Variants in EIPR1 observed in about 807,000 individuals in gnomAD.
EIPR1 encodes the protein EARP complex and GARP complex interacting protein 1.
In EIPR1, 25 loss-of-function variants were observed where a neutral mutation model predicts 48.1. The ratio of observed to expected loss-of-function variants is 0.52; its 90% confidence interval spans 0.38 to 0.73. The LOEUF is 0.73. EIPR1 is among the 30% of genes least tolerant of loss of function. The pLI, the probability that EIPR1 is intolerant of heterozygous loss-of-function variation, is 0.00. For synonymous variants in EIPR1, 204 were observed against 201.9 expected (o/e 1.01, Z -0.09); for missense variants, 415 against 506.2 (o/e 0.82, Z 1.73).
At chr2:3,219,880 C>T (rs993686746) in intron 4 of EIPR1, among the ~76,000 whole-genome samples, 2 of 152,150 alleles carry the variant, frequency 1.3e-5, no homozygotes, top group African/African-American at 2.4e-5. Flanking sequence ...GAGTTCCCAA[C>T]CCCCAGACTG....
chr2:3,238,634 A>G (rs929486240), intron 4 of EIPR1, among the ~76,000 whole-genome samples: 4 of 152,214 alleles, frequency 2.6e-5, no homozygotes, highest in Non-Finnish European at 5.9e-5. Flanking sequence ...GAAGCGTCCA[A>G]TGTGGAAAAT....
rs188464241 is a variant in EIPR1, at chr2:3,320,870, C to T, written c.259+17147G>A. Among the ~76,000 whole-genome samples the T allele has an allele frequency of 6.5e-4, 99 of 152,254 alleles. No individual in the cohort carries two copies. The Middle Eastern group carries it at 0.014, about 21-fold the overall frequency. The stretch of plus-strand genomic sequence containing the variant: ...TTCAGCTGACAATTTGGTTAGTGCA[C>T]GGCTATTCCAGAGAAGATAGGTCAC... On this transcript the variant is annotated intron_variant, in intron 3 of 8. Transcript: ENST00000382125.
At chr2:3,358,651 A>G (rs1038803369) in intron 1 of EIPR1, among the ~76,000 whole-genome samples, 2 of 152,218 alleles carry the variant, frequency 1.3e-5, no homozygotes, top group African/African-American at 4.8e-5. Context: ...AATTTTGCAT[A>G]TAATTATCAG....
intron 3 of EIPR1, among the ~76,000 whole-genome samples, chr2:3,325,494 C>T (rs374785100): frequency 5.3e-5 from 8 of 152,282 alleles, no homozygotes; most frequent in African/African-American, 1.7e-4. Context: ...ACTCGAGGGC[C>T]GCCCAGTGAA....
chr2:3,298,966 C>G (rs1411874206), intron 3 of EIPR1, among the ~76,000 whole-genome samples: 1 of 152,186 alleles, frequency 6.6e-6, no homozygotes, highest in African/African-American at 2.4e-5. Flanking sequence ...TCACTGCGCT[C>G]AGATCTTTGC....
At chr2:3,361,352 A>T (rs189444998) in intron 1 of EIPR1, among the ~76,000 whole-genome samples, 17 of 152,224 alleles carry the variant, frequency 1.1e-4, no homozygotes, top group Middle Eastern at 3.4e-3. Context: ...CTCACTTCAC[A>T]GGTCCCCAAG....
At position 3,234,785 on chromosome 2, in the gene EIPR1, A is replaced by G; in HGVS notation, c.417-20537T>C. 1.3e-5 allele frequency among the ~76,000 whole-genome samples: 2 copies of G among 152,188 alleles called. 1 individual carries two copies. The highest frequency in any genetic ancestry group is 3.9e-4 in the East Asian group (2 of 5,178). ...TGCCCTTGCACTGGAAGATGCTCCT[A>G]CTTTGCACAAGAGACCTGCTCTCTT... On this transcript the variant is annotated intron_variant, in intron 4 of 8. Coordinates refer to ENST00000382125, the MANE Select transcript of EIPR1 (RefSeq NM_003310.5).
intron 2 of EIPR1, among the ~76,000 whole-genome samples, chr2:3,345,452 C>A (rs1454428566): frequency 1.4e-5 from 2 of 147,330 alleles, no homozygotes; most frequent in Non-Finnish European, 3.0e-5. Context: ...CGGTGAAACC[C>A]CGTCTCTACT....
At chr2:3,271,303 T>C (rs1667695507) in intron 3 of EIPR1, among the ~76,000 whole-genome samples, 1 of 152,226 alleles carries the variant, frequency 6.6e-6, no homozygotes, top group African/African-American at 2.4e-5. Flanking sequence ...GACCACCTCC[T>C]ATAAATCGCA....
chr2:3,365,322 TA>T (rs1670946881), intron 1 of EIPR1, among the ~76,000 whole-genome samples: 2 of 151,916 alleles, frequency 1.3e-5, no homozygotes, highest in South Asian at 4.2e-4. Flanking sequence ...TAGAGATAAA[TA>T]AATAAATAAT....
chr2:3,377,588 G>A, intron 1 of EIPR1, 60 bp downstream of exon 1: 8 of 1,548,616 alleles, frequency 5.2e-6, no homozygotes, highest in African/African-American at 1.4e-5. Flanking sequence ...GTCACCATGG[G>A]ACCGCGCATG....
intron 4 of EIPR1, 138 bp from the exon 5 acceptor site, chr2:3,214,386 T>C: frequency 2.8e-6 from 2 of 708,374 alleles, no homozygotes; most frequent in Non-Finnish European, 4.7e-6. Context: ...TTTTACACTG[T>C]CACCCGGCAA....
chr2:3,210,333 A>T (rs1477690886), intron 5 of EIPR1, among the ~76,000 whole-genome samples: 1 of 152,174 alleles, frequency 6.6e-6, no homozygotes, highest in Non-Finnish European at 1.5e-5. Context: ...ATTCAGGGTG[A>T]ACGCATCTCC....
At chr2:3,321,105 AC>A (rs1345684389) in intron 3 of EIPR1, among the ~76,000 whole-genome samples, 1 of 152,202 alleles carries the variant, frequency 6.6e-6, no homozygotes, top group Admixed American at 6.5e-5. Flanking sequence ...GAACGACACC[AC>A]GCAGCCTCCC....
intron 3 of EIPR1, among the ~76,000 whole-genome samples, chr2:3,288,405 T>C (rs1459909407): frequency 6.6e-6 from 1 of 152,176 alleles, no homozygotes; most frequent in Non-Finnish European, 1.5e-5. Context: ...TGATGTGAAA[T>C]ACCACGTTAC....
intron 5 of EIPR1, among the ~76,000 whole-genome samples, chr2:3,211,158 A>G (rs1398506715): frequency 6.6e-6 from 1 of 152,224 alleles, no homozygotes; most frequent in Non-Finnish European, 1.5e-5. Flanking sequence ...TTTTAATAAA[A>G]TATCAGAAAT....
chr2:3,249,354 G>T (rs1666936778), intron 4 of EIPR1, among the ~76,000 whole-genome samples: 1 of 152,224 alleles, frequency 6.6e-6, no homozygotes, highest in Non-Finnish European at 1.5e-5. Context: ...ATCTGTGGAA[G>T]TTTGAACTTA....
intron 4 of EIPR1, among the ~76,000 whole-genome samples, chr2:3,216,080 C>G (rs889371202): frequency 4.6e-5 from 7 of 152,182 alleles, no homozygotes; most frequent in African/African-American, 1.4e-4. Flanking sequence ...GCAAAATGAT[C>G]ACACTTCTCT....
At chr2:3,314,602 C>G in intron 3 of EIPR1, among the ~76,000 whole-genome samples, 1 of 151,930 alleles carries the variant, frequency 6.6e-6, no homozygotes, top group Non-Finnish European at 1.5e-5. Context: ...GGGCTCAGGG[C>G]CCTCGGTGGT....
Sources: gnomAD v4.1 joint callset for allele counts (sites outside exome capture counted in the v4.1 genomes callset) on GRCh38, gnomAD v4.1.1 for gene constraint, MANE v1.5 for transcripts, NCBI Gene and HGNC (gene_info 2026-07-23, HGNC 2026-07-21) for gene names.